The following STPG2 variants were observed in gnomAD, a reference collection of about 807,000 sequenced individuals.
STPG2 encodes the protein sperm tail PG-rich repeat containing 2.
In STPG2, 56 loss-of-function variants were observed where a neutral mutation model predicts 54.2. That is an observed-to-expected ratio of 1.03 (90% CI 0.83 to 1.29). The LOEUF (loss-of-function observed/expected upper bound fraction) is 1.29. STPG2 is among the 50% of genes most tolerant of loss of function. The pLI is 0.00. For missense variants in STPG2, 596 were observed against 544.9 expected (o/e 1.09, Z -0.93); for synonymous variants, 200 against 181.8 (o/e 1.10, Z -0.81).
chr4:98,101,151 C>T (rs1290120467), intron 5 of STPG2, among the ~76,000 whole-genome samples: 1 of 152,160 alleles, frequency 6.6e-6, no homozygotes, highest in African/African-American at 2.4e-5. Flanking sequence ...GAAAATTCTG[C>T]AGCACTTTGC....
intron 10 of STPG2, among the ~76,000 whole-genome samples, chr4:97,685,200 C>A (rs1249672204): frequency 1.3e-5 from 2 of 152,016 alleles, no homozygotes; most frequent in East Asian, 3.9e-4. Context: ...TCATATGATG[C>A]AAAAATCACA....
At chr4:97,960,772 C>A (rs1733855409) in intron 7 of STPG2, among the ~76,000 whole-genome samples, 1 of 151,984 alleles carries the variant, frequency 6.6e-6, no homozygotes, top group South Asian at 2.1e-4. Flanking sequence ...GACCATATTG[C>A]CAAAAGCAAT....
rs1460201613 is a variant in STPG2 at position 97,849,123 on chromosome 4, T to A, written c.1045-8191A>T. ...CCATTTTCACGATATTGATTCTTCC[T>A]ACCCATGAGCATGGAATGTTCTTCC... On this transcript the variant is annotated intron_variant, in intron 8 of 10. Transcript: ENST00000295268. Among the ~76,000 whole-genome samples, 9 of 150,866 alleles carry A rather than the reference T, an allele frequency of 6.0e-5. No individual in the cohort carries two copies. The East Asian group carries it at 1.8e-3, about 30-fold the overall frequency.
At chr4:97,488,275 T>G (rs1327929949) in intron 4 of STPG2, among the ~76,000 whole-genome samples, 1 of 151,684 alleles carries the variant, frequency 6.6e-6, no homozygotes, top group Non-Finnish European at 1.5e-5. Context: ...AACAAAGTAC[T>G]TCAGGCTATT....
At chr4:97,717,587 T>C (rs1011908649) in intron 9 of STPG2, among the ~76,000 whole-genome samples, 1 of 152,178 alleles carries the variant, frequency 6.6e-6, no homozygotes, top group Non-Finnish European at 1.5e-5. Flanking sequence ...GTACCTCTAA[T>C]ACATACTTAT....
chr4:97,694,954 T>C (rs1351542105), intron 10 of STPG2, among the ~76,000 whole-genome samples: 1 of 147,312 alleles, frequency 6.8e-6, no homozygotes, highest in African/African-American at 2.5e-5. Flanking sequence ...TTGCAAAAGA[T>C]AGAGAAAGAG....
At chr4:97,645,526 T>C (rs534238223) in intron 10 of STPG2, among the ~76,000 whole-genome samples, 1 of 152,314 alleles carries the variant, frequency 6.6e-6, no homozygotes, top group East Asian at 1.9e-4. Flanking sequence ...CTTTTAACCT[T>C]TGCCATGTGG....
intron 5 of STPG2, among the ~76,000 whole-genome samples, chr4:97,994,627 G>A (rs1735141945): frequency 6.6e-6 from 1 of 152,158 alleles, no homozygotes; most frequent in Non-Finnish European, 1.5e-5. Context: ...TGGTACAGGG[G>A]AGTATGTGCA....
chr4:97,663,696 A>G (rs1722442034), intron 10 of STPG2, among the ~76,000 whole-genome samples: 1 of 152,202 alleles, frequency 6.6e-6, no homozygotes, highest in African/African-American at 2.4e-5. Context: ...GTTCTGTGTC[A>G]TTGGACTTTT....
At chr4:98,025,689 GCCT>G (rs1736393926) in intron 5 of STPG2, 1 of 1,190,002 alleles carries the variant, frequency 8.4e-7, no homozygotes, top group Non-Finnish European at 1.2e-6. Context: ...TATTGTACTG[GCCT>G]CCTGCTGGCC....
intron 10 of STPG2, among the ~76,000 whole-genome samples, chr4:97,597,409 G>A (rs1014780699): frequency 3.3e-5 from 5 of 151,820 alleles, no homozygotes; most frequent in African/African-American, 7.3e-5. Flanking sequence ...CTCATTCTAC[G>A]AAGCCAGCAT....
chr4:97,625,252 T>C (rs1734110648), intron 10 of STPG2, among the ~76,000 whole-genome samples: 1 of 152,220 alleles, frequency 6.6e-6, no homozygotes, highest in Non-Finnish European at 1.5e-5. Context: ...TATACTTGAA[T>C]GAATTTGGCT....
At chr4:98,064,341 G>A (rs527628876) in intron 5 of STPG2, among the ~76,000 whole-genome samples, 6 of 152,148 alleles carry the variant, frequency 3.9e-5, no homozygotes, top group East Asian at 3.9e-4. Context: ...TATCACAGGC[G>A]CAAAAATCCA....
chr4:97,620,097 T>C (rs2148923276), intron 10 of STPG2, among the ~76,000 whole-genome samples: 1 of 152,280 alleles, frequency 6.6e-6, no homozygotes, highest in Admixed American at 6.5e-5. Context: ...GTGCTGGGAT[T>C]ACAGGCGTGA....
In STPG2 at chr4:97,757,208, G is replaced by C. The variant is rs56261500; in HGVS notation, c.1205-44394C>G. ...ATGGTCCCTCTTATTTACAATTCAA[G>C]TCCATCTCCTCATTATCTCATCCTT... On this transcript the variant is annotated intron_variant, in intron 9 of 10. Coordinates refer to ENST00000295268, the MANE Select transcript of STPG2 (RefSeq NM_174952.3). Among the ~76,000 whole-genome samples, 1,453 of 152,198 alleles carry C rather than the reference G, an allele frequency of 9.5e-3. 11 individuals carry two copies. Among genetic ancestry groups the C allele is most frequent in the Non-Finnish European group, 0.016 (1,065 of 67,986 alleles).
At chr4:98,132,128 T>C (rs1342796168) in intron 2 of STPG2, among the ~76,000 whole-genome samples, 1 of 152,050 alleles carries the variant, frequency 6.6e-6, no homozygotes, top group East Asian at 1.9e-4. Flanking sequence ...GAAGGAAATA[T>C]ATTATTAACA....
intron 10 of STPG2, among the ~76,000 whole-genome samples, chr4:97,700,260 G>T (rs1006132998): frequency 2.0e-5 from 3 of 152,172 alleles, no homozygotes; most frequent in Admixed American, 6.5e-5. Flanking sequence ...TGGCAGAGCA[G>T]CTTGTACAGT....
intron 10 of STPG2, among the ~76,000 whole-genome samples, chr4:97,656,708 G>A (rs1443766117): frequency 8.0e-5 from 12 of 149,882 alleles, no homozygotes; most frequent in Admixed American, 6.8e-4. Context: ...GCAACTAGAT[G>A]GACATCGAAT....
At chr4:97,929,434 T>A (rs1027764601) in intron 8 of STPG2, among the ~76,000 whole-genome samples, 3 of 152,178 alleles carry the variant, frequency 2.0e-5, no homozygotes, top group African/African-American at 7.2e-5. Flanking sequence ...TGTTTTTAGA[T>A]CTTTGGGGAA....
Sources: gnomAD v4.1 joint callset for allele counts (sites outside exome capture counted in the v4.1 genomes callset) on GRCh38, gnomAD v4.1.1 for gene constraint, MANE v1.5 for transcripts, NCBI Gene and HGNC (gene_info 2026-07-23, HGNC 2026-07-21) for gene names.